The following DNAH7 variants were observed in gnomAD, a reference collection of about 807,000 sequenced individuals.
DNAH7 encodes the protein axonemal beta dynein heavy chain 7.
In DNAH7, 397 loss-of-function variants were observed where a neutral mutation model predicts 444.6. The observed-to-expected ratio is 0.89, with a 90% confidence interval of 0.82 to 0.97. DNAH7 has a LOEUF of 0.97. Ranked by LOEUF, DNAH7 falls within the 50% of genes least tolerant of loss-of-function variation. The pLI is 0.00. For missense variants in DNAH7, 4,902 were observed against 4,800.8 expected, an observed-to-expected ratio of 1.02 and a Z score of -0.62; for synonymous variants, 1,636 against 1,624.4, an observed-to-expected ratio of 1.01 and a Z score of -0.17.
chr2:195,757,404 G>A (rs1172353695), intron 61 of DNAH7, among the ~76,000 whole-genome samples: 1 of 152,148 alleles, frequency 6.6e-6, no homozygotes, highest in Admixed American at 6.5e-5. Context: ...AACTTTGAAG[G>A]CCCTGATAAT....
intron 19 of DNAH7, among the ~76,000 whole-genome samples, chr2:195,942,561 C>T (rs180696399): frequency 2.9e-4 from 44 of 152,084 alleles, no homozygotes; most frequent in African/African-American, 9.6e-4. Context: ...GAGGTAAAAG[C>T]GTGGAATGAG....
intron 50 of DNAH7, 97 bp downstream of exon 50, chr2:195,817,599 C>A (rs887082916): frequency 7.9e-7 from 1 of 1,268,786 alleles, no homozygotes; most frequent in Non-Finnish European, 1.1e-6. Context: ...TGCAGTATTC[C>A]TATTAAATCT....
intron 45 of DNAH7, among the ~76,000 whole-genome samples, chr2:195,855,250 A>G (rs1381508521): frequency 6.6e-6 from 1 of 152,234 alleles, no homozygotes; most frequent in Non-Finnish European, 1.5e-5. Flanking sequence ...CTTCTGGCCC[A>G]TAATCAGACT....
Position 195,861,865 on chromosome 2 carries a change from A to T in DNAH7, c.7588T>A (p.Cys2530Ser), listed in dbSNP as rs199761954. 3.4e-5 allele frequency: 55 copies of T among 1,613,898 alleles called. No homozygotes were observed. In the Middle Eastern group the frequency reaches 4.9e-4, roughly 14 times the overall value. The change falls in exon 42 of 65, where the codon TGT (cysteine) becomes AGT (serine). Residue 2530 changes from cysteine (C) to serine (S), a missense_variant. Coordinates refer to ENST00000312428, the MANE Select transcript of DNAH7 (RefSeq NM_018897.3). ...IEMSEEIRDG[C>S]IDMCKSFHTS... ...TGGAAGCTTTTACACATGTCGATACAGCCATCTCGTATTTCCTCTGACATT... is the reference window on the plus strand; with the variant it reads ...TGGAAGCTTTTACACATGTCGATACTGCCATCTCGTATTTCCTCTGACATT...
rs573323222 is a variant in DNAH7, at chr2:195,775,661, A to C, written c.11202+185T>G. On this transcript the variant is annotated intron_variant, in intron 60 of 64. Coordinates refer to ENST00000312428, the MANE Select transcript of DNAH7 (RefSeq NM_018897.3). ...AAAAAGATAGATGAAAAAAAAAAAA[A>C]AACACACGTTCAGGTACTTAGTGTT... 2.4e-4 allele frequency among the ~76,000 whole-genome samples: 37 copies of C among 152,246 alleles called. 1 individual carries two copies. The South Asian group carries it at 6.0e-3, about 25-fold the overall frequency.
chr2:195,808,102 G>C (rs1696794248), intron 53 of DNAH7, among the ~76,000 whole-genome samples: 1 of 151,960 alleles, frequency 6.6e-6, no homozygotes, highest in Non-Finnish European at 1.5e-5. Context: ...CAAAGGAATA[G>C]AAAAAATTAA....
chr2:195,936,730 A>G lies in DNAH7; in HGVS notation c.3141T>C (p.Asn1047=). ...DRMLERLKKS[N]ELLELILKGL... ...CTTTAAGAATGAGCTCCAAAAGTTC[A>G]TTAGATTTTTTCAGCCTTTCCAGCA... Residue 1047 remains asparagine (N), a synonymous_variant, in exon 20 of 65, where the codon AAT becomes AAC. Transcript: ENST00000312428. The G allele has an allele frequency of 6.2e-7, 1 of 1,600,790 alleles. No individual in the cohort carries two copies. Among genetic ancestry groups the G allele is most frequent in the Admixed American group, 1.7e-5 (1 of 58,202 alleles).
At chr2:195,778,913 G>A (rs1364058269) in intron 58 of DNAH7, among the ~76,000 whole-genome samples, 4 of 148,328 alleles carry the variant, frequency 2.7e-5, no homozygotes, top group African/African-American at 7.5e-5. Context: ...GCACGATCTC[G>A]GCTCACTGCA....
chr2:195,884,008 G>T (rs1383593388), intron 35 of DNAH7, among the ~76,000 whole-genome samples: 12 of 152,116 alleles, frequency 7.9e-5, no homozygotes, highest in Admixed American at 7.9e-4. Flanking sequence ...AAACAAGAAG[G>T]ATATAAAGCT....
intron 51 of DNAH7, among the ~76,000 whole-genome samples, chr2:195,815,050 AT>A (rs769017525): frequency 4.6e-4 from 67 of 144,726 alleles, no homozygotes; most frequent in Admixed American, 7.1e-4. Context: ...GCTGGGGATA[AT>A]TTTTTTTTTT....
At chr2:195,745,696 A>G (rs539691749) in intron 63 of DNAH7, among the ~76,000 whole-genome samples, 5 of 152,260 alleles carry the variant, frequency 3.3e-5, no homozygotes, top group Admixed American at 6.5e-5. Context: ...GTGGGGGCCA[A>G]TATTCAACAT....
chr2:195,884,507 C>A (rs1444100240), intron 35 of DNAH7, 78 bp downstream of exon 35: 4 of 1,040,574 alleles, frequency 3.8e-6, no homozygotes, highest in Non-Finnish European at 4.4e-6. Flanking sequence ...AAGGTGGCCA[C>A]AGGGCCATTA....
At chr2:195,845,635 C>G (rs1365096927) in intron 46 of DNAH7, among the ~76,000 whole-genome samples, 1 of 152,110 alleles carries the variant, frequency 6.6e-6, no homozygotes, top group African/African-American at 2.4e-5. Flanking sequence ...CTCCAATAAC[C>G]AAAACAGCAT....
rs959340431 is a variant in DNAH7 at position 195,936,604 on chromosome 2, G to A, written c.3267C>T (p.Pro1089=). The change falls in exon 20 of 65, where the codon CCC becomes CCT. Residue 1089 remains proline, a synonymous_variant. Transcript: ENST00000312428. ...TCTACATGTAAATTACTTACCTAGT[G>A]GGATCTTTAGTCTCAGATAGTATCT... ...LLEILSETKD[P]TRVQPHLKKC... The A allele has an allele frequency of 1.3e-5, 20 of 1,580,178 alleles. No individual in the cohort carries two copies. Among genetic ancestry groups the A allele is most frequent in the Non-Finnish European group, 1.7e-5 (20 of 1,169,916 alleles).
chr2:195,837,823 T>C (rs1315766886), intron 47 of DNAH7, among the ~76,000 whole-genome samples: 1 of 152,110 alleles, frequency 6.6e-6, no homozygotes, highest in Non-Finnish European at 1.5e-5. Context: ...GTACACAGAA[T>C]GTAAGGGAAA....
At position 196,005,384 on chromosome 2, in the gene DNAH7, A is replaced by T. The variant is rs190652003; in HGVS notation, c.990-3526T>A. On this transcript the variant is annotated intron_variant, in intron 10 of 64. Transcript: ENST00000312428. ...TAAAGAGGTAAGTCCAAACAAAAAA[A>T]TATTGAATAGAAAAATAAAGAAAAA... Among the ~76,000 whole-genome samples, 5 of 152,098 alleles carry T rather than the reference A, an allele frequency of 3.3e-5. 1 individual carries two copies. The highest frequency in any genetic ancestry group is 1.2e-4 in the African/African-American group (5 of 41,558).
At chr2:195,780,776 AT>A (rs1274087321) in intron 58 of DNAH7, among the ~76,000 whole-genome samples, 2 of 151,846 alleles carry the variant, frequency 1.3e-5, no homozygotes, top group African/African-American at 2.4e-5. Flanking sequence ...ATCTCAAAAA[AT>A]ATATATATTT....
At chr2:195,771,911 A>G (rs374791417) in intron 60 of DNAH7, 21 bp from the exon 61 acceptor site, 10 of 1,606,570 alleles carry the variant, frequency 6.2e-6, no homozygotes, top group Non-Finnish European at 7.7e-6. Flanking sequence ...TCCAAACTAT[A>G]ACTCAAAAAT....
chr2:196,047,659 ACT>A (rs1697224095), intron 4 of DNAH7, among the ~76,000 whole-genome samples, 160 bp from the exon 5 acceptor site: 1 of 151,860 alleles, frequency 6.6e-6, no homozygotes, highest in African/African-American at 2.4e-5. Context: ...AGGAGGTTAA[ACT>A]ACTCCTCTTT....
Sources: gnomAD v4.1 joint callset for allele counts (sites outside exome capture counted in the v4.1 genomes callset) on GRCh38, gnomAD v4.1.1 for gene constraint, MANE v1.5 for transcripts, NCBI Gene and HGNC (gene_info 2026-07-23, HGNC 2026-07-21) for gene names.